GLG1: variants seen among roughly 807,000 people sequenced by gnomAD.
GLG1 encodes the protein Golgi apparatus protein 1.
Under a neutral mutation model 160.5 loss-of-function variants are expected in GLG1, and 38 were observed. That is an observed-to-expected ratio of 0.24 (90% CI 0.18 to 0.31). The LOEUF is 0.31. GLG1 is among the 10% of genes least tolerant of loss of function. GLG1 has a pLI of 1.00. For missense variants in GLG1, 1,373 were observed against 1,505.2 expected (o/e 0.91, Z 1.45); for synonymous variants, 644 against 543.4 (o/e 1.19, Z -2.57).
chr16:74,467,877 G>A (rs773990740), intron 17 of GLG1, 29 bp from the exon 18 acceptor site: 3 of 1,488,786 alleles, frequency 2.0e-6, no homozygotes, highest in Non-Finnish European at 2.8e-6. Flanking sequence ...ATGGAAAGGT[G>A]AGCTTGGTTT....
rs545609316 is a variant in GLG1, at chr16:74,501,921, G to A, written c.774+1610C>T. 1.7e-4 allele frequency among the ~76,000 whole-genome samples: 26 copies of A among 152,286 alleles called. No homozygotes were observed. In the South Asian group the frequency reaches 4.4e-3, roughly 26 times the overall value. ...TATGCCAAGCCACAGAGTTTTTCAA[G>A]ACCAACTCAGTGGTACACTCGGATA... On this transcript the variant is annotated intron_variant, in intron 4 of 25. Coordinates refer to ENST00000422840, the MANE Select transcript of GLG1 (RefSeq NM_001145667.2).
rs975962841 is a variant in GLG1, at chr16:74,553,595, C to G, written c.439-21442G>C. Among the ~76,000 whole-genome samples, 10 of 151,616 alleles carry G rather than the reference C, an allele frequency of 6.6e-5. No individual in the cohort carries two copies. In the South Asian group the frequency reaches 8.3e-4, roughly 13 times the overall value. On this transcript the variant is annotated intron_variant, in intron 1 of 25. Coordinates refer to ENST00000422840, the MANE Select transcript of GLG1 (RefSeq NM_001145667.2). Reference sequence around the variant, plus strand: ...TCACACCATTCTCCTGCCTCAGCCTCCCGAGTAGCTGGGACTACAGGTGCC... The same window carrying G: ...TCACACCATTCTCCTGCCTCAGCCTGCCGAGTAGCTGGGACTACAGGTGCC...
chr16:74,460,608 G>A (rs536981883), intron 22 of GLG1, among the ~76,000 whole-genome samples: 16 of 152,306 alleles, frequency 1.1e-4, no homozygotes, highest in African/African-American at 3.6e-4. Context: ...CTCTAAACAT[G>A]TCAGTTTGAT....
chr16:74,458,004 G>A lies in GLG1; in HGVS notation c.3145-10C>T, dbSNP rs1356828207. The A allele has an allele frequency of 3.1e-6, 5 of 1,613,360 alleles. No individual in the cohort carries two copies. Among genetic ancestry groups the A allele is most frequent in the Non-Finnish European group, 4.2e-6 (5 of 1,179,432 alleles). ...GCATGTTTAGCACTTCCTGGAAAGG[G>A]AGGGTCATTGCAGACAGAGCTTTTG... On this transcript the variant is annotated splice_polypyrimidine_tract_variant and intron_variant, in intron 23 of 25. Transcript: ENST00000422840.
intron 11 of GLG1, 142 bp downstream of exon 11, chr16:74,480,099 G>C (rs2015543542): frequency 5.9e-6 from 4 of 677,826 alleles, no homozygotes; most frequent in Non-Finnish European, 1.0e-5. Context: ...GAAGGAAGAA[G>C]TTTCTAGAAG....
chr16:74,474,727 G>A (rs560493271), intron 12 of GLG1, 95 bp from the exon 13 acceptor site: 48 of 759,780 alleles, frequency 6.3e-5, no homozygotes, highest in Non-Finnish European at 1.1e-4. Flanking sequence ...CCTTTTCAGT[G>A]GTCCTCCTTT....
chr16:74,569,264 C>G (rs1188164073), intron 1 of GLG1, among the ~76,000 whole-genome samples: 3 of 152,192 alleles, frequency 2.0e-5, no homozygotes, highest in African/African-American at 7.2e-5. Context: ...ATGGAGTGGT[C>G]AGAATTCCCT....
rs1349168266 is a variant in GLG1 at position 74,485,792 on chromosome 16, T to G, written c.1571+4A>C. 6.2e-7 allele frequency: 1 copy of G among 1,611,310 alleles called. No homozygotes were observed. Among genetic ancestry groups the G allele is most frequent in the Non-Finnish European group, 8.5e-7 (1 of 1,178,404 alleles). On this transcript the variant is annotated splice_donor_region_variant and intron_variant, in intron 9 of 25. Transcript: ENST00000422840. ...GGATAAATACCATGGAGAAGATAAC[T>G]TACATTGGGTCTCCAGATCTTATAT...
intron 1 of GLG1, among the ~76,000 whole-genome samples, chr16:74,568,919 C>T (rs561228797): frequency 6.6e-5 from 10 of 152,154 alleles, no homozygotes; most frequent in East Asian, 5.8e-4. Context: ...CTAAAAATAC[C>T]GTAAATTACT....
rs2550808 is a variant in GLG1, at chr16:74,530,426, A to G, written c.471+1695T>C. ...AAAGTAACAGTTCTCAGGGAACTGT[A>G]GTCACTGTTGCAGTTACTCAACTTT... On this transcript the variant is annotated intron_variant, in intron 2 of 25. Coordinates refer to ENST00000422840, the MANE Select transcript of GLG1 (RefSeq NM_001145667.2). 5.9e-5 allele frequency among the ~76,000 whole-genome samples: 9 copies of G among 152,328 alleles called. No individual in the cohort carries two copies. The East Asian group carries it at 1.5e-3, about 26-fold the overall frequency.
intron 23 of GLG1, among the ~76,000 whole-genome samples, chr16:74,459,178 T>C (rs1033643388): frequency 6.6e-6 from 1 of 152,184 alleles, no homozygotes; most frequent in Non-Finnish European, 1.5e-5. Context: ...GTGAAATTCT[T>C]TTTTAAAAGG....
intron 2 of GLG1, among the ~76,000 whole-genome samples, chr16:74,514,787 A>G (rs2016926210): frequency 6.6e-6 from 1 of 152,210 alleles, no homozygotes; most frequent in South Asian, 2.1e-4. Flanking sequence ...TTCACACATA[A>G]CAATATTAAC....
intron 1 of GLG1, among the ~76,000 whole-genome samples, chr16:74,584,643 G>T (rs1045707239): frequency 1.3e-5 from 2 of 152,136 alleles, no homozygotes; most frequent in Admixed American, 6.6e-5. Flanking sequence ...TGGGGGCTGG[G>T]CACGGTGGCT....
intron 11 of GLG1, among the ~76,000 whole-genome samples, chr16:74,478,287 C>T (rs2015464387): frequency 2.0e-5 from 3 of 151,980 alleles, no homozygotes; most frequent in Admixed American, 1.3e-4. Context: ...TTCAAATTGA[C>T]CTAAATCAGA....
chr16:74,581,343 G>A (rs756682704), intron 1 of GLG1, among the ~76,000 whole-genome samples: 3 of 151,984 alleles, frequency 2.0e-5, no homozygotes, highest in Admixed American at 6.6e-5. Context: ...TACACATGCC[G>A]CAACATGGAT....
At chr16:74,544,779 T>A (rs1333468243) in intron 1 of GLG1, among the ~76,000 whole-genome samples, 1 of 152,066 alleles carries the variant, frequency 6.6e-6, no homozygotes, top group Non-Finnish European at 1.5e-5. Flanking sequence ...GGATTACAGG[T>A]GTGAGCCACC....
At chr16:74,471,331 T>G (rs767032188) in intron 14 of GLG1, 45 bp from the exon 15 acceptor site, 1 of 1,082,034 alleles carries the variant, frequency 9.2e-7, no homozygotes, top group South Asian at 1.3e-5. Context: ...TAACAATTAA[T>G]GAACAAAACT....
At chr16:74,562,098 A>T (rs1218083821) in intron 1 of GLG1, among the ~76,000 whole-genome samples, 3 of 152,240 alleles carry the variant, frequency 2.0e-5, no homozygotes, top group Non-Finnish European at 4.4e-5. Context: ...ACAGTAGCTA[A>T]AAGGTTGTCA....
chr16:74,488,886 T>C (rs2015883538), intron 8 of GLG1, among the ~76,000 whole-genome samples: 1 of 152,142 alleles, frequency 6.6e-6, no homozygotes. Context: ...CCCAAAGTTC[T>C]GGGATTACAG....
Sources: allele counts gnomAD v4.1 joint callset (sites outside exome capture counted in the v4.1 genomes callset), GRCh38; gene constraint gnomAD v4.1.1; transcripts MANE v1.5; gene names NCBI Gene and HGNC (gene_info 2026-07-23, HGNC 2026-07-21).